Variants in IL1RAPL1 observed in about 807,000 individuals in gnomAD.
The protein encoded by IL1RAPL1 is interleukin 1 receptor accessory protein like 1, also known as interleukin-1 receptor accessory protein-like 1.
A neutral mutation model predicts 48.4 loss-of-function variants in IL1RAPL1; 3 were observed. The observed-to-expected ratio is 0.06, with a 90% CI of 0.03 to 0.16. The LOEUF (loss-of-function observed/expected upper bound fraction) is 0.16, where lower values mean the gene tolerates loss of function less well. Ranked by LOEUF, IL1RAPL1 falls within the 10% of genes least tolerant of loss-of-function variation. IL1RAPL1 has a pLI of 1.00. For synonymous variants in IL1RAPL1, 185 were observed against 187.7 expected, an observed-to-expected ratio of 0.99 and a Z score of 0.12; for missense variants, 349 against 530.6, an observed-to-expected ratio of 0.66 and a Z score of 3.36.
rs184740008 is a variant in IL1RAPL1 at position 29,247,933 on chromosome X, A to G, written c.83-35005A>G. 2.9e-3 allele frequency among the ~76,000 whole-genome samples: 324 copies of G among 111,831 alleles called. 7 individuals carry two copies. The highest frequency in any genetic ancestry group is 0.023 in the Admixed American group (241 of 10,542). ...GAAGGAAAGCCCTGTGTGTTTTGGCATTTTAGACATTTAGTGGAACACACT... is the reference window on the plus strand; with the variant it reads ...GAAGGAAAGCCCTGTGTGTTTTGGCGTTTTAGACATTTAGTGGAACACACT... On this transcript the variant is annotated intron_variant, in intron 2 of 10. Coordinates refer to ENST00000378993, the MANE Select transcript of IL1RAPL1 (RefSeq NM_014271.4).
intron 2 of IL1RAPL1, among the ~76,000 whole-genome samples, chrX:28,935,145 AT>A (rs754791688): frequency 1.1e-3 from 123 of 109,197 alleles, no homozygotes; most frequent in East Asian, 1.4e-3. Flanking sequence ...AGTCTACTTT[AT>A]TTTTTTTTAG....
At chrX:29,664,129 G>A in intron 5 of IL1RAPL1, among the ~76,000 whole-genome samples, 1 of 112,280 alleles carries the variant, frequency 8.9e-6, no homozygotes. Flanking sequence ...AGTGGGCCGG[G>A]CGCGGTGGCT....
intron 1 of IL1RAPL1, among the ~76,000 whole-genome samples, chrX:28,679,989 G>T (rs759164801): frequency 8.9e-6 from 1 of 111,798 alleles, no homozygotes; most frequent in East Asian, 2.8e-4. Flanking sequence ...TTTCTGTAAA[G>T]AATGCCATTA....
At chrX:29,745,666 C>T (rs769042398) in intron 6 of IL1RAPL1, among the ~76,000 whole-genome samples, 11 of 108,249 alleles carry the variant, frequency 1.0e-4, no homozygotes, top group Admixed American at 4.0e-4. Context: ...AGGCTGGTCT[C>T]AAACTCCTGA....
At chrX:28,836,339 TA>T (rs1921208699) in intron 2 of IL1RAPL1, among the ~76,000 whole-genome samples, 1 of 26,445 alleles carries the variant, frequency 3.8e-5, no homozygotes, top group African/African-American at 2.3e-4. Context: ...CCCAATTTTA[TA>T]TATATATATA....
At chrX:29,352,617 C>G (rs1197757541) in intron 3 of IL1RAPL1, among the ~76,000 whole-genome samples, 1 of 105,991 alleles carries the variant, frequency 9.4e-6, no homozygotes, top group Non-Finnish European at 1.9e-5. Flanking sequence ...CCCCACCCCC[C>G]ATCCCCATCT....
intron 2 of IL1RAPL1, among the ~76,000 whole-genome samples, chrX:29,174,325 A>G (rs1402177585): frequency 8.9e-6 from 1 of 112,492 alleles, no homozygotes; most frequent in Admixed American, 9.5e-5. Context: ...TTCAAGAGAC[A>G]TAATTTCAGA....
At chrX:29,221,239 CA>C (rs1930968220) in intron 2 of IL1RAPL1, among the ~76,000 whole-genome samples, 1 of 111,619 alleles carries the variant, frequency 9.0e-6, no homozygotes. Flanking sequence ...AAAACTTATC[CA>C]ATGTTATTAG....
intron 5 of IL1RAPL1, among the ~76,000 whole-genome samples, chrX:29,639,983 C>G (rs936061512): frequency 9.0e-6 from 1 of 111,342 alleles, no homozygotes; most frequent in Non-Finnish European, 1.9e-5. Context: ...TTGGTCCTCT[C>G]TTGATCGCTA....
At chrX:29,084,187 T>C (rs1927903194) in intron 2 of IL1RAPL1, among the ~76,000 whole-genome samples, 1 of 111,641 alleles carries the variant, frequency 9.0e-6, no homozygotes, top group Admixed American at 9.5e-5. Context: ...CCTGGGAAAA[T>C]AATACTTTTT....
chrX:29,787,821 C>T (rs1291310278), intron 6 of IL1RAPL1, among the ~76,000 whole-genome samples: 2 of 111,930 alleles, frequency 1.8e-5, no homozygotes, highest in Non-Finnish European at 3.8e-5. Flanking sequence ...CATTCTGTTA[C>T]TACATTTTGC....
In IL1RAPL1 at chrX:29,267,527, C is replaced by A. The variant is rs763402595; in HGVS notation, c.83-15411C>A. On this transcript the variant is annotated intron_variant, in intron 2 of 10. Transcript: ENST00000378993. ...AGCCAGACTTGGCATTCTAACATCCCCACACATGAGAACTATCAAAGTATC... is the reference window on the plus strand; with the variant it reads ...AGCCAGACTTGGCATTCTAACATCCACACACATGAGAACTATCAAAGTATC... Among the ~76,000 whole-genome samples the A allele has an allele frequency of 4.5e-5, 5 of 111,712 alleles. No individual in the cohort carries two copies. The South Asian group carries it at 1.9e-3, about 41-fold the overall frequency.
chrX:29,937,871 C>G (rs1933057504), intron 8 of IL1RAPL1, among the ~76,000 whole-genome samples: 1 of 111,669 alleles, frequency 9.0e-6, no homozygotes, highest in Admixed American at 9.5e-5. Flanking sequence ...TTTCTTTAGA[C>G]TTGTTTTTGG....
chrX:28,940,349 C>A (rs1205604490), intron 2 of IL1RAPL1, among the ~76,000 whole-genome samples: 1 of 110,721 alleles, frequency 9.0e-6, no homozygotes, highest in South Asian at 3.7e-4. Flanking sequence ...TAGCATTTGG[C>A]CAAAGGATCT....
At chrX:28,657,495 G>A (rs1033517439) in intron 1 of IL1RAPL1, among the ~76,000 whole-genome samples, 7 of 112,326 alleles carry the variant, frequency 6.2e-5, no homozygotes, top group South Asian at 7.4e-4. Flanking sequence ...GATAAAAAAG[G>A]TTTAACTATC....
intron 2 of IL1RAPL1, among the ~76,000 whole-genome samples, chrX:29,274,862 G>C (rs1932095068): frequency 9.0e-6 from 1 of 110,830 alleles, no homozygotes; most frequent in African/African-American, 3.3e-5. Context: ...AGTCATCCTA[G>C]ACTCCTTCTC....
intron 2 of IL1RAPL1, among the ~76,000 whole-genome samples, chrX:28,897,219 CG>C (rs60117116): frequency 0.33 from 35,822 of 107,120 alleles, 4,603 homozygotes; most frequent in Admixed American, 0.41. Flanking sequence ...GAGAAGGGGT[CG>C]GGGGGGTTCT....
At chrX:29,175,112 A>G (rs1929988636) in intron 2 of IL1RAPL1, among the ~76,000 whole-genome samples, 1 of 110,068 alleles carries the variant, frequency 9.1e-6, no homozygotes, top group Non-Finnish European at 1.9e-5. Context: ...ATAGAAAAAA[A>G]GAAAGGATCC....
chrX:29,860,282 T>G (rs1931550507), intron 6 of IL1RAPL1, among the ~76,000 whole-genome samples: 1 of 112,135 alleles, frequency 8.9e-6, no homozygotes, highest in South Asian at 3.8e-4. Context: ...TATAAATAAC[T>G]ATAATACTCT....
Sources: allele counts gnomAD v4.1 joint callset (sites outside exome capture counted in the v4.1 genomes callset), GRCh38; gene constraint gnomAD v4.1.1; transcripts MANE v1.5; gene names NCBI Gene and HGNC (gene_info 2026-07-23, HGNC 2026-07-21).